Variants in LRP1B observed in about 807,000 individuals in gnomAD.
LRP1B encodes the protein LDL receptor related protein 1B.
A neutral mutation model predicts 556.6 loss-of-function variants in LRP1B; 217 were observed. The ratio of observed to expected loss-of-function variants is 0.39; its 90% CI spans 0.35 to 0.44. The LOEUF is 0.44. Ranked by LOEUF, LRP1B falls within the 20% of genes least tolerant of loss-of-function variation. The pLI, the probability that LRP1B is intolerant of heterozygous loss-of-function variation, is 1.00. For missense variants in LRP1B, 5,053 were observed against 5,620.8 expected (o/e 0.90, Z 3.23); for synonymous variants, 2,047 against 1,865.8 (o/e 1.10, Z -2.50).
chr2:140,971,708 C>T (rs1184860151), intron 18 of LRP1B, among the ~76,000 whole-genome samples: 1 of 152,120 alleles, frequency 6.6e-6, no homozygotes, highest in Non-Finnish European at 1.5e-5. Flanking sequence ...GTGGCGGGCG[C>T]CTGTAGTCCC....
At chr2:140,312,634 G>A (rs115380850) in intron 83 of LRP1B, among the ~76,000 whole-genome samples, 2 of 151,766 alleles carry the variant, frequency 1.3e-5, no homozygotes, top group Non-Finnish European at 2.9e-5. Context: ...TTTGTCAAAA[G>A]CAAATTTCAT....
rs189813066 is a variant in LRP1B at position 141,607,419 on chromosome 2, A to G, written c.206-126886T>C. On this transcript the variant is annotated intron_variant, in intron 2 of 90. Coordinates refer to ENST00000389484, the MANE Select transcript of LRP1B (RefSeq NM_018557.3). ...ACCTAACAATAATTAAAGAGAAGCC[A>G]CTGATCTCTAGTAGATAGTAGTCAT... Among the ~76,000 whole-genome samples, 400 of 152,290 alleles carry G rather than the reference A, an allele frequency of 2.6e-3. 1 individual carries two copies. The highest frequency in any genetic ancestry group is 9.2e-3 in the African/African-American group (382 of 41,580).
rs553424249 is a variant in LRP1B, at chr2:141,324,246, G to C, written c.344-69605C>G. ...CCAAACAGCAGCATAAACAATAATA[G>C]AGTAGTCCTGACCATAAAGAAACTC... On this transcript the variant is annotated intron_variant, in intron 3 of 90. Transcript: ENST00000389484. Among the ~76,000 whole-genome samples the C allele has an allele frequency of 2.0e-5, 3 of 152,010 alleles. No individual in the cohort carries two copies. The South Asian group carries it at 6.2e-4, about 32-fold the overall frequency.
chr2:140,449,566 C>T (rs963135707), intron 63 of LRP1B, among the ~76,000 whole-genome samples: 1 of 151,982 alleles, frequency 6.6e-6, no homozygotes, highest in African/African-American at 2.4e-5. Context: ...AACATTTTTC[C>T]TTTTCATTGA....
chr2:140,328,863 C>G (rs1558805705), intron 79 of LRP1B, among the ~76,000 whole-genome samples: 1 of 151,904 alleles, frequency 6.6e-6, no homozygotes, highest in Admixed American at 6.6e-5. Flanking sequence ...AAACTAAATT[C>G]AAATAACAGC....
At chr2:140,614,144 C>T (rs1683177788) in intron 41 of LRP1B, among the ~76,000 whole-genome samples, 3 of 152,070 alleles carry the variant, frequency 2.0e-5, no homozygotes, top group African/African-American at 4.8e-5. Context: ...CAGGCCCCTA[C>T]TTCCTCATTC....
chr2:141,670,474 A>T (rs1232832965), intron 2 of LRP1B, among the ~76,000 whole-genome samples: 1 of 152,212 alleles, frequency 6.6e-6, no homozygotes, highest in East Asian at 1.9e-4. Context: ...CACAGACAGG[A>T]TCATTTTCAC....
intron 32 of LRP1B, among the ~76,000 whole-genome samples, chr2:140,798,630 C>A (rs553174083): frequency 1.3e-5 from 2 of 152,122 alleles, no homozygotes; most frequent in African/African-American, 4.8e-5. Flanking sequence ...CCAAATAGTT[C>A]CTTGTTATGG....
At chr2:140,734,702 TC>T (rs1429801651) in intron 35 of LRP1B, among the ~76,000 whole-genome samples, 1 of 151,968 alleles carries the variant, frequency 6.6e-6, no homozygotes, top group African/African-American at 2.4e-5. Flanking sequence ...TCTGAATCTA[TC>T]TTCACATTTT....
At chr2:140,858,921 T>A (rs1002568914) in intron 27 of LRP1B, among the ~76,000 whole-genome samples, 31 of 152,220 alleles carry the variant, frequency 2.0e-4, no homozygotes, top group African/African-American at 7.5e-4. Context: ...ATCTCATTCC[T>A]TTTTATGGCT....
chr2:141,017,763 G>A (rs983658595), intron 12 of LRP1B, among the ~76,000 whole-genome samples: 2 of 151,800 alleles, frequency 1.3e-5, no homozygotes, highest in Non-Finnish European at 2.9e-5. Flanking sequence ...GGGAGGCTGA[G>A]GCAAGCGAAT....
intron 2 of LRP1B, among the ~76,000 whole-genome samples, chr2:141,645,347 T>C (rs565743252): frequency 7.9e-4 from 120 of 152,216 alleles, no homozygotes; most frequent in Non-Finnish European, 1.2e-3. Context: ...AAGAAATCTA[T>C]TCTGGCAGCA....
intron 6 of LRP1B, among the ~76,000 whole-genome samples, chr2:141,217,845 TG>T (rs1444828919): frequency 1.3e-5 from 2 of 152,120 alleles, no homozygotes; most frequent in Non-Finnish European, 2.9e-5. Flanking sequence ...GATGAAAGAC[TG>T]ATGTCCAAAA....
chr2:140,652,252 A>G (rs999209383), intron 41 of LRP1B, among the ~76,000 whole-genome samples: 2 of 152,046 alleles, frequency 1.3e-5, no homozygotes, highest in Admixed American at 1.3e-4. Context: ...GATGGGAAAG[A>G]CAAATTTGAG....
chr2:140,364,505 T>C (rs987088440), intron 72 of LRP1B, among the ~76,000 whole-genome samples, 156 bp downstream of exon 72: 1 of 151,636 alleles, frequency 6.6e-6, no homozygotes, highest in East Asian at 1.9e-4. Flanking sequence ...GATTATCCCT[T>C]TATTACCTGA....
intron 6 of LRP1B, among the ~76,000 whole-genome samples, chr2:141,220,637 A>G (rs1338738371): frequency 6.6e-6 from 1 of 151,524 alleles, no homozygotes; most frequent in African/African-American, 2.4e-5. Flanking sequence ...AAAAAAAAAA[A>G]GAAAAAATGT....
At chr2:141,889,364 C>A (rs1699213871) in intron 1 of LRP1B, among the ~76,000 whole-genome samples, 1 of 152,050 alleles carries the variant, frequency 6.6e-6, no homozygotes, top group South Asian at 2.1e-4. Flanking sequence ...TATCAGCATT[C>A]AAATTATTTG....
intron 59 of LRP1B, among the ~76,000 whole-genome samples, chr2:140,479,044 C>T (rs971886138): frequency 1.3e-5 from 2 of 151,768 alleles, no homozygotes; most frequent in Admixed American, 1.3e-4. Context: ...ATTCGTCAAG[C>T]AGAAGAATAT....
intron 22 of LRP1B, among the ~76,000 whole-genome samples, chr2:140,907,092 C>T (rs995126655): frequency 7.9e-5 from 12 of 152,048 alleles, no homozygotes; most frequent in Admixed American, 1.3e-4. Flanking sequence ...CAGTCAGCTT[C>T]ATTATTTCCT....
Sources: allele counts gnomAD v4.1 joint callset (sites outside exome capture counted in the v4.1 genomes callset), GRCh38; gene constraint gnomAD v4.1.1; transcripts MANE v1.5; gene names NCBI Gene and HGNC (gene_info 2026-07-23, HGNC 2026-07-21).